The following ATP1A3 variants were observed in gnomAD, a reference collection of about 807,000 sequenced individuals.
ATP1A3 encodes sodium/potassium-transporting ATPase subunit alpha-3.
Under a neutral mutation model 108.8 loss-of-function variants are expected in ATP1A3, and 12 were observed. The ratio of observed to expected loss-of-function variants is 0.11; its 90% CI spans 0.07 to 0.18. ATP1A3 has a LOEUF of 0.18. Ranked by LOEUF, ATP1A3 falls within the 10% of genes least tolerant of loss-of-function variation. ATP1A3 has a pLI of 1.00. For synonymous variants in ATP1A3, 539 were observed against 564.5 expected (o/e 0.95, Z 0.64); for missense variants, 498 against 1,387.7 (o/e 0.36, Z 10.19).
At chr19:41,993,201 G>T (rs2075356854) in intron 1 of ATP1A3, 1 of 179,932 alleles carries the variant, frequency 5.6e-6, no homozygotes, top group East Asian at 2.3e-4. Context: ...CCCCGCCCCA[G>T]ACACACAGGG....
chr19:41,981,023 G>C lies in ATP1A3; in HGVS notation c.1437+479C>G, dbSNP rs1219781570. On this transcript the variant is annotated intron_variant, in intron 11 of 22. Coordinates refer to ENST00000648268, the MANE Select transcript of ATP1A3 (RefSeq NM_152296.5). The surrounding 1 kb of genome is among the most constrained non-coding windows in gnomAD (Gnocchi z 5.0). Reference sequence around the variant, plus strand: ...AACTTTTTTTTTTTTTTTGAGTCAGGGTCTTGCTCTGTCACCCAGGCTGGA... The same window carrying C: ...AACTTTTTTTTTTTTTTTGAGTCAGCGTCTTGCTCTGTCACCCAGGCTGGA... Among the ~76,000 whole-genome samples, 2 of 149,188 alleles carry C rather than the reference G, an allele frequency of 1.3e-5. No individual in the cohort carries two copies. Among genetic ancestry groups the C allele is most frequent in the Non-Finnish European group, 3.0e-5 (2 of 67,382 alleles).
chr19:41,968,838 G>A lies in ATP1A3; in HGVS notation c.2766C>T (p.Ala922=), dbSNP rs986245513. The A allele has an allele frequency of 6.2e-6, 10 of 1,613,994 alleles. No homozygotes were observed. Among genetic ancestry groups the A allele is most frequent in the South Asian group, 1.1e-5 (1 of 91,090 alleles). The stretch of plus-strand genomic sequence containing the variant: ...TCCGGGTCTTGCAGATGATCAGATC[G>A]GCCCACTGGACGACAACGATGCTCA... ...FFVSIVVVQW[A]DLIICKTRRN... Residue 922 remains alanine (A), a synonymous_variant, in exon 20 of 23, where the codon GCC becomes GCT. Transcript: ENST00000648268. The surrounding 1 kb of genome is among the most constrained non-coding windows in gnomAD (Gnocchi z 5.0).
Position 41,985,259 on chromosome 19 carries a change from A to C in ATP1A3, c.724+47T>G. 6.2e-7 allele frequency: 1 copy of C among 1,613,988 alleles called. No individual in the cohort carries two copies. The highest frequency in any genetic ancestry group is 8.5e-7 in the Non-Finnish European group (1 of 1,179,924). On this transcript the variant is annotated intron_variant, in intron 7 of 22. Coordinates refer to ENST00000648268, the MANE Select transcript of ATP1A3 (RefSeq NM_152296.5). This position sits in a 1 kb window ranked among gnomAD's most constrained non-coding sequence, Gnocchi z 8.2. ...CTGGAGGCCTGACCCCCTGGGACAC[A>C]TCCCTGTGTCTGCCCCAGCTGTGTG...
chr19:41,986,421 T>C (rs2075287320), intron 4 of ATP1A3, 192 bp from the exon 5 acceptor site: 1 of 537,916 alleles, frequency 1.9e-6, no homozygotes, highest in Non-Finnish European at 3.4e-6. Context: ...CTTTCTGTAA[T>C]GGTTGTGTTT....
In ATP1A3 at chr19:41,967,268, G is replaced by A. The variant is rs1555858831; in HGVS notation, c.2994C>T (p.Ile998=). Residue 998 remains isoleucine (I), a synonymous_variant, in exon 22 of 23, where the codon ATC becomes ATT. Transcript: ENST00000648268. The surrounding 1 kb of genome is among the most constrained non-coding windows in gnomAD (Gnocchi z 4.2). The stretch of plus-strand genomic sequence containing the variant: ...CCTCACCCCCTGGGTTCCTGCGCAG[G>A]ATGAGTTTGCGGATTTCGTCGTAGA... ...IFVYDEIRKL[I]LRRNPGGWVE... The A allele has an allele frequency of 3.1e-6, 5 of 1,614,006 alleles. No homozygotes were observed. The highest frequency in any genetic ancestry group is 1.7e-5 in the Admixed American group (1 of 60,022).
intron 19 of ATP1A3, among the ~76,000 whole-genome samples, 187 bp from the exon 20 acceptor site, chr19:41,969,102 A>G (rs2075075127): frequency 6.6e-6 from 1 of 152,164 alleles, no homozygotes; most frequent in Non-Finnish European, 1.5e-5. Flanking sequence ...AGGAAGAAGA[A>G]AGGTTAATGG....
In ATP1A3 at chr19:41,988,812, G is replaced by A. The variant is rs2075310134; in HGVS notation, c.7-250C>T. 1.3e-5 allele frequency among the ~76,000 whole-genome samples: 2 copies of A among 152,078 alleles called. No individual in the cohort carries two copies. Among genetic ancestry groups the A allele is most frequent in the African/African-American group, 4.8e-5 (2 of 41,410 alleles). On this transcript the variant is annotated intron_variant, in intron 1 of 22. Coordinates refer to ENST00000648268, the MANE Select transcript of ATP1A3 (RefSeq NM_152296.5). This position sits in a 1 kb window ranked among gnomAD's most constrained non-coding sequence, Gnocchi z 5.3. ...CTCATCTGCTGCAATCAGCTTCCCT[G>A]TCTCTGGTTCTGTGTGTCTCTGAGT...
At chr19:41,983,222 C>T (rs530410589) in intron 8 of ATP1A3, among the ~76,000 whole-genome samples, 4 of 151,972 alleles carry the variant, frequency 2.6e-5, no homozygotes, top group Admixed American at 6.6e-5. Flanking sequence ...GGATTACAGG[C>T]GCCCACCATC....
chr19:41,969,848 C>G (rs2075083331), intron 18 of ATP1A3, among the ~76,000 whole-genome samples: 1 of 152,342 alleles, frequency 6.6e-6, no homozygotes, highest in Admixed American at 6.5e-5. Flanking sequence ...ACCTAGGCCA[C>G]CTAAACATCA....
At chr19:41,980,650 G>C (rs1555862975) in intron 11 of ATP1A3, among the ~76,000 whole-genome samples, 1 of 152,042 alleles carries the variant, frequency 6.6e-6, no homozygotes, top group Admixed American at 6.6e-5. Flanking sequence ...GGTGGCTCAT[G>C]CCTGTAATCC....
chr19:41,968,710 G>A lies in ATP1A3; in HGVS notation c.2819+75C>T. The A allele has an allele frequency of 6.2e-7, 1 of 1,604,294 alleles. No homozygotes were observed. Among genetic ancestry groups the A allele is most frequent in the Non-Finnish European group, 8.5e-7 (1 of 1,173,816 alleles). On this transcript the variant is annotated intron_variant, in intron 20 of 22. Coordinates refer to ENST00000648268, the MANE Select transcript of ATP1A3 (RefSeq NM_152296.5). This position sits in a 1 kb window ranked among gnomAD's most constrained non-coding sequence, Gnocchi z 5.0. Reference sequence around the variant, plus strand: ...ACAAAAAACCAAAGCAAGGACACAAGAGGAAGTACACAGACAGACAGACAC... The same window carrying A: ...ACAAAAAACCAAAGCAAGGACACAAAAGGAAGTACACAGACAGACAGACAC...
At chr19:41,993,279 C>T in intron 1 of ATP1A3, 7 of 1,104,864 alleles carry the variant, frequency 6.3e-6, no homozygotes, top group South Asian at 2.7e-5. Flanking sequence ...GCTGGAGAGA[C>T]TCACAGACAG....
chr19:41,973,950 G>A (rs565556041), intron 16 of ATP1A3, among the ~76,000 whole-genome samples: 16 of 152,200 alleles, frequency 1.1e-4, no homozygotes, highest in African/African-American at 3.6e-4. Context: ...TGAAGACCTC[G>A]CTGGGCGAGG....
In ATP1A3 at chr19:41,976,586, C is replaced by T. The variant is rs200665663; in HGVS notation, c.1944-20G>A. On this transcript the variant is annotated intron_variant, in intron 14 of 22. Coordinates refer to ENST00000648268, the MANE Select transcript of ATP1A3 (RefSeq NM_152296.5). ...GCATCCCTGGGAAGAGCAGAGAGAG[C>T]GATGGCTGAGGTCAGGGTGTGTGAG... 2.5e-6 allele frequency: 4 copies of T among 1,613,174 alleles called. No individual in the cohort carries two copies. The highest frequency in any genetic ancestry group is 1.7e-5 in the Admixed American group (1 of 59,962).
intron 1 of ATP1A3, among the ~76,000 whole-genome samples, chr19:41,989,195 C>T (rs1352936367): frequency 2.0e-5 from 3 of 152,184 alleles, no homozygotes; most frequent in Admixed American, 1.3e-4. Flanking sequence ...CTGCTTTAGC[C>T]TCCCAAACTG....
At chr19:41,986,075 C>T (rs369439991) in intron 5 of ATP1A3, 41 bp downstream of exon 5, 7 of 1,614,184 alleles carry the variant, frequency 4.3e-6, no homozygotes, top group East Asian at 4.5e-5. Flanking sequence ...CCAGCCCATA[C>T]ACTAACACCC....
At position 41,969,695 on chromosome 19, in the gene ATP1A3, CCT is replaced by C. The variant is rs2075081578; in HGVS notation, c.2543-117_2543-116del. ...GGAGAGGGGAGTATGCCCTCCTGGC[CCT>C]GTTATCTGGACATTGGTTCCCAGAG... On this transcript the variant is annotated intron_variant, in intron 18 of 22. Coordinates refer to ENST00000648268, the MANE Select transcript of ATP1A3 (RefSeq NM_152296.5). 7 of 1,419,870 alleles carry C rather than the reference CCT, an allele frequency of 4.9e-6. No individual in the cohort carries two copies. In the South Asian group the frequency reaches 6.9e-5, roughly 14 times the overall value. 88.0% of individuals were successfully genotyped at this position (1,419,870 alleles called of 1,614,324 possible).
chr19:41,993,144 ACCTACC>A, intron 1 of ATP1A3: 1 of 120,302 alleles, frequency 8.3e-6, no homozygotes, highest in Non-Finnish European at 1.7e-5. Flanking sequence ...TCTTCATCCC[ACCTACC>A]CCCACCCACC....
chr19:41,966,941 T>C lies in ATP1A3; in HGVS notation c.3038A>G (p.Tyr1013Cys). The change falls in exon 23 of 23, where the codon TAC (tyrosine) becomes TGC (cysteine). Residue 1013 changes from tyrosine to cysteine, a missense_variant. Around this residue, in one of 9 missense-constraint regions of ATP1A3, gnomAD observed 29 missense variants for 41.0 expected, o/e 0.71. Coordinates refer to ENST00000648268, the MANE Select transcript of ATP1A3 (RefSeq NM_152296.5). ...GGCGATGTGGTGGGGCTGAGGTCAGTAGTAGGTTTCCTTCTCCACCCAACC... is the reference window on the plus strand; with the variant it reads ...GGCGATGTGGTGGGGCTGAGGTCAGCAGTAGGTTTCCTTCTCCACCCAACC... ...PGGWVEKETY[Y>C] 6.4e-7 allele frequency: 1 copy of C among 1,550,700 alleles called. No homozygotes were observed. The highest frequency in any genetic ancestry group is 8.7e-7 in the Non-Finnish European group (1 of 1,146,790).
Sources: gnomAD v4.1 joint callset for allele counts (sites outside exome capture counted in the v4.1 genomes callset) on GRCh38, gnomAD v4.1.1 for gene constraint, gnomAD v4.1.1 regional missense constraint, Gnocchi (gnomAD v3.1) non-coding constraint, MANE v1.5 for transcripts, NCBI Gene and HGNC (gene_info 2026-07-23, HGNC 2026-07-21) for gene names.